DHX36: variants seen among roughly 807,000 people sequenced by gnomAD.
The protein encoded by DHX36 is DEAH-box helicase 36.
In DHX36, 50 loss-of-function variants were observed where a neutral mutation model predicts 139.0. The ratio of observed to expected loss-of-function variants is 0.36; its 90% CI spans 0.29 to 0.46. DHX36 has a LOEUF of 0.46. Ranked by LOEUF, DHX36 falls within the 20% of genes least tolerant of loss-of-function variation. The pLI, the probability that DHX36 is intolerant of heterozygous loss-of-function variation, is 1.00. For synonymous variants in DHX36, 425 were observed against 401.9 expected, an observed-to-expected ratio of 1.06 and a Z score of -0.69; for missense variants, 1,024 against 1,211.3, an observed-to-expected ratio of 0.85 and a Z score of 2.29.
At chr3:154,280,690 G>A in intron 21 of DHX36, 21 bp from the exon 22 acceptor site, 1 of 1,606,430 alleles carries the variant, frequency 6.2e-7, no homozygotes, top group Non-Finnish European at 8.5e-7. Flanking sequence ...TGAGAAGGTA[G>A]AGGGGAAAAG....
chr3:154,323,297 T>TG, intron 1 of DHX36, among the ~76,000 whole-genome samples: 1 of 151,796 alleles, frequency 6.6e-6, no homozygotes, highest in Admixed American at 6.6e-5. Flanking sequence ...ATCGTGCCAC[T>TG]GCACTCCAGC....
At chr3:154,289,265 CTG>C (rs1290412232) in intron 16 of DHX36, among the ~76,000 whole-genome samples, 4 of 152,154 alleles carry the variant, frequency 2.6e-5, no homozygotes, top group Non-Finnish European at 5.9e-5. Flanking sequence ...AGTGAACAAG[CTG>C]ATTACTCACT....
chr3:154,320,346 G>C (rs1305109570), intron 1 of DHX36, among the ~76,000 whole-genome samples: 1 of 152,122 alleles, frequency 6.6e-6, no homozygotes, highest in Non-Finnish European at 1.5e-5. Context: ...AACAAAAGTC[G>C]AATCTCTGAT....
At chr3:154,305,034 C>A (rs1712446601) in intron 7 of DHX36, 60 bp downstream of exon 7, 1 of 1,593,598 alleles carries the variant, frequency 6.3e-7, no homozygotes, top group East Asian at 2.2e-5. Flanking sequence ...CTAGTAAAAT[C>A]CAATTTAATA....
Position 154,304,899 on chromosome 3 carries a change from T to C in DHX36, c.1042A>G (p.Thr348Ala), listed in dbSNP as rs557690427. 1 of 1,613,036 alleles carries C rather than the reference T, an allele frequency of 6.2e-7. No individual in the cohort carries two copies. The highest frequency in any genetic ancestry group is 2.2e-5 in the East Asian group (1 of 44,788). Reference sequence around the variant, plus strand: ...AAATTGAGAAGGTCTTTAACAACAGTCATTAAAACATCTGACTGCAGATTT... The same window carrying C: ...AAATTGAGAAGGTCTTTAACAACAGCCATTAAAACATCTGACTGCAGATTT... ...ERNLQSDVLM[T>A]VVKDLLNFRS... Residue 348 changes from threonine to alanine, a missense_variant, in exon 8 of 25, where the codon ACT becomes GCT. This residue lies in a region of DHX36 where 146 missense variants were observed against 215.0 expected (regional missense o/e 0.68). Coordinates refer to ENST00000496811, the MANE Select transcript of DHX36 (RefSeq NM_020865.3).
At chr3:154,316,842 T>C (rs981574924) in intron 1 of DHX36, among the ~76,000 whole-genome samples, 21 of 151,790 alleles carry the variant, frequency 1.4e-4, no homozygotes, top group African/African-American at 5.1e-4. Context: ...ACCCAATTCT[T>C]TGGAGACTTT....
At chr3:154,291,438 A>G (rs1313330094) in intron 15 of DHX36, among the ~76,000 whole-genome samples, 1 of 152,180 alleles carries the variant, frequency 6.6e-6, no homozygotes. Flanking sequence ...TACTTTTTGA[A>G]TCAATATTTA....
intron 3 of DHX36, among the ~76,000 whole-genome samples, chr3:154,314,287 C>A (rs1712878228): frequency 6.6e-6 from 1 of 152,216 alleles, no homozygotes. Context: ...TCATCAGTAA[C>A]AGTCAATGGA....
chr3:154,280,725 A>G, intron 21 of DHX36, 38 bp downstream of exon 21: 1 of 1,604,950 alleles, frequency 6.2e-7, no homozygotes, highest in Non-Finnish European at 8.5e-7. Context: ...GATACAATAG[A>G]CAAAAGATAC....
intron 3 of DHX36, among the ~76,000 whole-genome samples, chr3:154,314,039 A>G (rs1241414584): frequency 6.6e-6 from 1 of 152,184 alleles, no homozygotes; most frequent in Non-Finnish European, 1.5e-5. Context: ...TCTGAACTAG[A>G]TCAATCACCC....
chr3:154,323,331 T>C (rs542401073), intron 1 of DHX36, among the ~76,000 whole-genome samples: 1 of 151,426 alleles, frequency 6.6e-6, no homozygotes, highest in African/African-American at 2.4e-5. Flanking sequence ...TGAGACCCTG[T>C]CTTAAAAAAA....
intron 1 of DHX36, among the ~76,000 whole-genome samples, chr3:154,320,784 A>C (rs1036117773): frequency 6.6e-6 from 1 of 152,182 alleles, no homozygotes; most frequent in African/African-American, 2.4e-5. Flanking sequence ...CTCCACTGCC[A>C]ACGTGCTAAT....
rs1347815111 is a variant in DHX36 at position 154,301,011 on chromosome 3, T to C, written c.1334A>G (p.Asp445Gly). 7 of 1,612,606 alleles carry C rather than the reference T, an allele frequency of 4.3e-6. No homozygotes were observed. The Admixed American group carries it at 1.2e-4, about 27-fold the overall frequency. The change falls in exon 10 of 25, where the codon GAT becomes GGT. Residue 445 changes from aspartate (D) to glycine (G), a missense_variant. Asp to Gly is a moderately conservative substitution (Grantham distance 94). This residue lies in a region of DHX36 where 115 missense variants were observed against 105.6 expected (regional missense o/e 1.09). Coordinates refer to ENST00000496811, the MANE Select transcript of DHX36 (RefSeq NM_020865.3). ...CCTTCTTCGCAGTTCCCTTACATAA[T>C]CTGGCCAACGTTCTTTATATATTGC... ...KEAIYKERWP[D>G]YVRELRRRYS...
chr3:154,288,418 G>A (rs1711636891), intron 17 of DHX36, among the ~76,000 whole-genome samples: 1 of 151,890 alleles, frequency 6.6e-6, no homozygotes, highest in African/African-American at 2.4e-5. Flanking sequence ...TATCATGATT[G>A]GGATTAAGGG....
intron 3 of DHX36, among the ~76,000 whole-genome samples, chr3:154,312,874 TATA>T (rs1712821542): frequency 9.5e-6 from 1 of 105,268 alleles, no homozygotes; most frequent in Non-Finnish European, 1.9e-5. Flanking sequence ...TATATATATA[TATA>T]TATATATATA....
intron 3 of DHX36, among the ~76,000 whole-genome samples, chr3:154,312,480 A>G (rs989373001): frequency 3.3e-5 from 5 of 152,072 alleles, no homozygotes; most frequent in Non-Finnish European, 7.4e-5. Context: ...AACTAGGTAC[A>G]TATAATGTAA....
chr3:154,314,938 G>A, intron 3 of DHX36, 108 bp downstream of exon 3: 2 of 735,168 alleles, frequency 2.7e-6, no homozygotes, highest in East Asian at 2.7e-5. Context: ...GGGATGTCTT[G>A]TTGAGGATCT....
intron 12 of DHX36, among the ~76,000 whole-genome samples, chr3:154,299,098 C>A (rs890660686): frequency 6.6e-6 from 1 of 151,756 alleles, no homozygotes; most frequent in Non-Finnish European, 1.5e-5. Flanking sequence ...ATAGTGAAAC[C>A]CCATCTCTAC....
intron 1 of DHX36, among the ~76,000 whole-genome samples, chr3:154,318,139 AAAT>A (rs1439681103): frequency 1.3e-5 from 2 of 152,116 alleles, no homozygotes; most frequent in Non-Finnish European, 2.9e-5. Context: ...GTGAAAGCTC[AAAT>A]AAGTTTACAT....
Sources: allele counts gnomAD v4.1 joint callset (sites outside exome capture counted in the v4.1 genomes callset), GRCh38; gene constraint gnomAD v4.1.1; regional missense constraint gnomAD v4.1.1; transcripts MANE v1.5; gene names NCBI Gene and HGNC (gene_info 2026-07-23, HGNC 2026-07-21).